DNAH7: variants seen among roughly 807,000 people sequenced by gnomAD.
DNAH7 encodes dynein axonemal heavy chain 7.
DNAH7 carries 397 observed loss-of-function variants against 444.6 expected under a neutral mutation model. That is an observed-to-expected ratio of 0.89 (90% confidence interval 0.82 to 0.97). DNAH7 has a LOEUF of 0.97. Among genes scored for constraint, DNAH7 ranks in the 50% least tolerant of loss-of-function variants. The pLI, the probability that DNAH7 is intolerant of heterozygous loss-of-function variation, is 0.00. For synonymous variants in DNAH7, 1,636 were observed against 1,624.4 expected, an observed-to-expected ratio of 1.01 and a Z score of -0.17; for missense variants, 4,902 against 4,800.8, an observed-to-expected ratio of 1.02 and a Z score of -0.62.
rs776087076 is a variant in DNAH7 at position 195,864,464 on chromosome 2, C to T, written c.7191G>A (p.Leu2397=). 2.5e-6 allele frequency: 4 copies of T among 1,614,206 alleles called. No homozygotes were observed. The East Asian group carries it at 8.9e-5, about 36-fold the overall frequency. Reference sequence around the variant, plus strand: ...CTTCTTTAATTTGAGTATCTGTAAACAGGAAGACACCCTGCATCTCACCTT... The same window carrying T: ...CTTCTTTAATTTGAGTATCTGTAAATAGGAAGACACCCTGCATCTCACCTT... The part of the protein sequence containing the change: ...CAEGEMQGVF[L]FTDTQIKEES... Residue 2397 remains leucine (L), a synonymous_variant, in exon 41 of 65, where the codon CTG becomes CTA. Transcript: ENST00000312428.
rs1232358519 is a variant in DNAH7, at chr2:195,922,096, T to C, written c.3927A>G (p.Arg1309=). Residue 1309 remains arginine, a synonymous_variant, in exon 24 of 65, where the codon AGA becomes AGG. Transcript: ENST00000312428. ...TAAATTAAAGGGTTTACCTGTAACA[T>C]CTATCCGTGAGTGGTGTAATAACCA... ...PRLVITPLTD[R]CYRTLFGALH... 1 of 1,586,708 alleles carries C rather than the reference T, an allele frequency of 6.3e-7. No homozygotes were observed. Among genetic ancestry groups the C allele is most frequent in the East Asian group, 2.2e-5 (1 of 44,706 alleles).
chr2:195,940,320 A>C (rs2125432136), intron 19 of DNAH7, among the ~76,000 whole-genome samples: 1 of 152,352 alleles, frequency 6.6e-6, no homozygotes, highest in Admixed American at 6.5e-5. Flanking sequence ...GGCTAGCCAC[A>C]TGCAGAAAAC....
chr2:195,922,916 C>T (rs916651297), intron 23 of DNAH7, among the ~76,000 whole-genome samples: 2 of 151,762 alleles, frequency 1.3e-5, no homozygotes, highest in Non-Finnish European at 2.9e-5. Flanking sequence ...GGCTGGAGTG[C>T]AGTGGCGCAA....
intron 3 of DNAH7, among the ~76,000 whole-genome samples, chr2:196,050,413 G>T (rs193169911): frequency 7.3e-4 from 111 of 152,262 alleles, no homozygotes; most frequent in Non-Finnish European, 1.0e-3. Flanking sequence ...TTCTGGAGAT[G>T]AGTGGTAGTA....
intron 40 of DNAH7, among the ~76,000 whole-genome samples, chr2:195,871,880 G>A (rs1205879182): frequency 3.0e-5 from 2 of 66,436 alleles, no homozygotes; most frequent in Admixed American, 1.8e-4. Flanking sequence ...GCAGTGAGCC[G>A]AGATCCCGCC....
Position 195,895,049 on chromosome 2 carries a change from A to G in DNAH7, c.4823T>C (p.Val1608Ala), listed in dbSNP as rs778601825. The G allele has an allele frequency of 6.2e-7, 1 of 1,613,554 alleles. No homozygotes were observed. The change falls in exon 30 of 65, where the codon GTT becomes GCT. Residue 1608 changes from valine (V) to alanine (A), a missense_variant. Val to Ala is a moderately conservative substitution (Grantham distance 64). Coordinates refer to ENST00000312428, the MANE Select transcript of DNAH7 (RefSeq NM_018897.3). ...AGTTTTTCCTCCAAATGGTTCTCCA[A>G]CAATCATAAAACCATGACGCACAAT... ...MMIVRHGFMI[V>A]GEPFGGKTSA...
rs181923901 is a variant in DNAH7 at position 195,744,959 on chromosome 2, C to G, written c.11765-4090G>C. On this transcript the variant is annotated intron_variant, in intron 63 of 64. Coordinates refer to ENST00000312428, the MANE Select transcript of DNAH7 (RefSeq NM_018897.3). ...AAAAAGCAGAGCGCCTCTCCTCCTC[C>G]AAAGGAATGCAGTTCCTCACCAGCA... is the stretch of plus-strand genomic sequence containing the variant. 2.6e-5 allele frequency among the ~76,000 whole-genome samples: 4 copies of G among 152,314 alleles called. No individual in the cohort carries two copies. The East Asian group carries it at 7.7e-4, about 29-fold the overall frequency.
At chr2:195,894,641 AATCT>A (rs1446365847) in intron 30 of DNAH7, 3 of 174,080 alleles carry the variant, frequency 1.7e-5, no homozygotes, top group African/African-American at 7.1e-5. Flanking sequence ...TTGCATTACA[AATCT>A]ATCTAGAAAA....
chr2:195,791,557 T>G (rs1272370604), intron 57 of DNAH7, among the ~76,000 whole-genome samples: 1 of 152,118 alleles, frequency 6.6e-6, no homozygotes, highest in Admixed American at 6.6e-5. Context: ...CATTACTGTG[T>G]GTATATCCAG....
At chr2:195,988,806 A>G (rs185542986) in intron 12 of DNAH7, among the ~76,000 whole-genome samples, 312 of 152,166 alleles carry the variant, frequency 2.1e-3, no homozygotes, top group African/African-American at 7.4e-3. Flanking sequence ...CTAACTTTGT[A>G]CTCAATTACC....
intron 22 of DNAH7, 79 bp downstream of exon 22, chr2:195,926,347 G>C: frequency 8.3e-7 from 1 of 1,209,922 alleles, no homozygotes; most frequent in African/African-American, 1.6e-5. Flanking sequence ...ATTTATTTTA[G>C]TTTTTAAAAT....
chr2:195,832,762 C>T (rs143743767), intron 48 of DNAH7, among the ~76,000 whole-genome samples: 25 of 152,196 alleles, frequency 1.6e-4, no homozygotes, highest in Non-Finnish European at 2.9e-4. Context: ...ATTTAAGGTG[C>T]CAGTTCCTTC....
At chr2:195,949,784 C>G (rs1286376347) in intron 19 of DNAH7, among the ~76,000 whole-genome samples, 1 of 152,050 alleles carries the variant, frequency 6.6e-6, no homozygotes, top group Non-Finnish European at 1.5e-5. Flanking sequence ...CCATAAATAC[C>G]TAGTTTATTG....
At chr2:195,898,452 G>A (rs938934200) in intron 28 of DNAH7, among the ~76,000 whole-genome samples, 12 of 152,034 alleles carry the variant, frequency 7.9e-5, no homozygotes, top group Non-Finnish European at 1.3e-4. Context: ...GCATTTCATC[G>A]TTATTGAATC....
rs965613915 is a variant in DNAH7 at position 195,960,531 on chromosome 2, A to G, written c.2620T>C (p.Ser874Pro). 4 of 1,614,070 alleles carry G rather than the reference A, an allele frequency of 2.5e-6. No homozygotes were observed. The highest frequency in any genetic ancestry group is 2.5e-6 in the Non-Finnish European group (3 of 1,180,030). ...PLQPSDDSTVSSFLDMNLEPY... is the reference protein window; with the variant it reads ...PLQPSDDSTVPSFLDMNLEPY... ...TCCAGATTCATGTCTAAAAAAGAGG[A>G]GACTGTGGAGTCATCTGATGGCTGC... is the stretch of plus-strand genomic sequence containing the variant. The change falls in exon 18 of 65, where the codon TCC becomes CCC. Residue 874 changes from serine to proline, a missense_variant. Transcript: ENST00000312428.
chr2:196,035,494 T>C (rs151206138), intron 5 of DNAH7, among the ~76,000 whole-genome samples: 9 of 152,282 alleles, frequency 5.9e-5, no homozygotes, highest in Admixed American at 2.6e-4. Context: ...TCATGTTTAC[T>C]GCCAAACAGC....
rs777810823 is a variant in DNAH7, at chr2:196,048,369, T to C, written c.177A>G (p.Pro59=). 2 of 1,614,068 alleles carry C rather than the reference T, an allele frequency of 1.2e-6. No individual in the cohort carries two copies. The highest frequency in any genetic ancestry group is 1.7e-6 in the Non-Finnish European group (2 of 1,179,930). ...CCTGCTTTACACTCAAATGGAATGA[T>C]GGAGCTGCCTGCTGCCAGTGGGGCT... ...STKPHWQQAA[P]SFHLSVKQDD... The change falls in exon 4 of 65, where the codon CCA becomes CCG. Residue 59 remains proline (P), a synonymous_variant. Transcript: ENST00000312428.
chr2:195,963,229 A>C (rs969679738), intron 17 of DNAH7, among the ~76,000 whole-genome samples: 1 of 152,326 alleles, frequency 6.6e-6, no homozygotes, highest in Non-Finnish European at 1.5e-5. Flanking sequence ...CCTTCCAATC[A>C]ACAGTGTAAG....
At chr2:195,778,643 A>AAT (rs1169066622) in intron 58 of DNAH7, among the ~76,000 whole-genome samples, 10,420 of 56,198 alleles carry the variant, frequency 0.19, 2,011 homozygotes, top group Middle Eastern at 0.25. Flanking sequence ...TAAATAAATA[A>AAT]ATATATATAT....
Sources: allele counts gnomAD v4.1 joint callset (sites outside exome capture counted in the v4.1 genomes callset), GRCh38; gene constraint gnomAD v4.1.1; transcripts MANE v1.5; gene names NCBI Gene and HGNC (gene_info 2026-07-23, HGNC 2026-07-21).